The following VGLL4 variants were observed in gnomAD, a reference collection of about 807,000 sequenced individuals.
The protein encoded by VGLL4 is transcription cofactor vestigial-like protein 4.
A neutral mutation model predicts 21.0 loss-of-function variants in VGLL4; 7 were observed. The observed-to-expected ratio is 0.33, with a 90% confidence interval of 0.19 to 0.63. The LOEUF is 0.63. VGLL4 is among the 20% of genes least tolerant of loss of function. The pLI is 0.78. For synonymous variants in VGLL4, 222 were observed against 173.2 expected, an observed-to-expected ratio of 1.28 and a Z score of -2.21; for missense variants, 394 against 425.7, an observed-to-expected ratio of 0.93 and a Z score of 0.66.
At chr3:11,720,818 G>A (rs2124846912), upstream of VGLL4, 3 of 152,324 alleles carry the variant, frequency 2.0e-5, no homozygotes, top group Admixed American at 2.0e-4. Context: ...ACAGCAGCAG[G>A]GCAGACATGT....
chr3:11,681,361 T>G (rs1191362731), intron 2 of VGLL4, among the ~76,000 whole-genome samples: 1 of 152,230 alleles, frequency 6.6e-6, no homozygotes, highest in Non-Finnish European at 1.5e-5. Flanking sequence ...CCTCCCAAAG[T>G]GCTGGGATTA....
rs1575339739 is a variant in VGLL4, at chr3:11,558,894, C to T, written c.620-67G>A. ...TGCAGACAGACAGGCACGGTTGCAG[C>T]ACCCTCCCTCAGGCAGCCCAGAGCC... is the stretch of plus-strand genomic sequence containing the variant. On this transcript the variant is annotated intron_variant, in intron 4 of 4. Transcript: ENST00000430365. The T allele has an allele frequency of 1.9e-6, 3 of 1,559,140 alleles. No homozygotes were observed. The South Asian group carries it at 3.5e-5, about 18-fold the overall frequency.
intron 2 of VGLL4, among the ~76,000 whole-genome samples, chr3:11,573,381 AAGAAAGAAAG>A (rs2073932192): frequency 2.0e-5 from 3 of 148,084 alleles, no homozygotes; most frequent in Non-Finnish European, 3.0e-5. Flanking sequence ...GAAAGAAAGA[AAGAAAGAAAG>A]AAAGAAAATG....
At chr3:11,601,650 C>T (rs935176185) in intron 2 of VGLL4, among the ~76,000 whole-genome samples, 183 bp downstream of exon 2, 1 of 152,172 alleles carries the variant, frequency 6.6e-6, no homozygotes, top group African/African-American at 2.4e-5. Flanking sequence ...CACCTCACCG[C>T]GAGTTATCAA....
intron 2 of VGLL4, among the ~76,000 whole-genome samples, chr3:11,652,568 G>A (rs145065604): frequency 5.4e-4 from 82 of 152,168 alleles, no homozygotes; most frequent in South Asian, 4.6e-3. Flanking sequence ...TAACAGGCAC[G>A]TGCCACCACG....
chr3:11,708,081 C>G (rs1421309958), intron 1 of VGLL4, among the ~76,000 whole-genome samples: 2 of 152,174 alleles, frequency 1.3e-5, no homozygotes, highest in African/African-American at 4.8e-5. Flanking sequence ...CACTTCCAAT[C>G]TATGTAACCC....
chr3:11,600,731 G>A lies in VGLL4; in HGVS notation c.272+1102C>T, dbSNP rs948442018. 4.6e-5 allele frequency among the ~76,000 whole-genome samples: 7 copies of A among 152,162 alleles called. No individual in the cohort carries two copies. The South Asian group carries it at 6.2e-4, about 14-fold the overall frequency. Reference sequence around the variant, plus strand: ...GGCGGGAGCTGGGCCACCTCTCTGCGGAAACTCTGCCTCCAAGGAGGAGCC... The same window carrying A: ...GGCGGGAGCTGGGCCACCTCTCTGCAGAAACTCTGCCTCCAAGGAGGAGCC... On this transcript the variant is annotated intron_variant, in intron 2 of 4. Transcript: ENST00000430365.
intron 2 of VGLL4, among the ~76,000 whole-genome samples, chr3:11,698,073 T>A (rs943063965): frequency 6.6e-6 from 1 of 152,240 alleles, no homozygotes; most frequent in African/African-American, 2.4e-5. Flanking sequence ...TTAGAAGATA[T>A]GGTTACCAAA....
At chr3:11,718,758 G>C (rs2076951791) in intron 1 of VGLL4, among the ~76,000 whole-genome samples, 1 of 152,108 alleles carries the variant, frequency 6.6e-6, no homozygotes, top group Admixed American at 6.6e-5. Context: ...ATAAAACCCA[G>C]CAGAACCGCC....
intron 2 of VGLL4, among the ~76,000 whole-genome samples, chr3:11,692,624 AGCTGCC>A (rs964949854): frequency 6.6e-6 from 1 of 152,068 alleles, no homozygotes; most frequent in African/African-American, 2.4e-5. Context: ...GACTGTCCAC[AGCTGCC>A]GACACTCACC....
chr3:11,638,502 C>G (rs2075629876), intron 1 of VGLL4, among the ~76,000 whole-genome samples: 1 of 152,112 alleles, frequency 6.6e-6, no homozygotes. Context: ...TTTTACTAAC[C>G]AAGCTCCTCC....
intron 2 of VGLL4, among the ~76,000 whole-genome samples, chr3:11,692,076 CTT>C (rs1230888617): frequency 6.6e-6 from 1 of 151,256 alleles, no homozygotes. Context: ...ATCCACAACA[CTT>C]TTATGTGTAT....
intron 1 of VGLL4, among the ~76,000 whole-genome samples, chr3:11,617,073 T>A (rs903451554): frequency 2.6e-5 from 4 of 152,080 alleles, no homozygotes; most frequent in Non-Finnish European, 5.9e-5. Context: ...TAAAAAGAGA[T>A]GCACTTTTTA....
At chr3:11,605,641 A>G (rs928758088) in intron 1 of VGLL4, among the ~76,000 whole-genome samples, 1 of 152,030 alleles carries the variant, frequency 6.6e-6, no homozygotes, top group Non-Finnish European at 1.5e-5. Context: ...TCCTCTGAAC[A>G]TCTATAGAAA....
Position 11,643,803 on chromosome 3 carries a change from C to T in VGLL4, c.-285G>A. ...TTTCAGAAGTCCTTACAAGTCCTTC[C>T]TGGAAATGGAAAAGAGTGAAAAAGA... On this transcript the variant is annotated 5_prime_UTR_variant, in exon 1 of 5. Coordinates refer to ENST00000430365, the MANE Select transcript of VGLL4 (RefSeq NM_001128219.3). 9.8e-6 allele frequency: 11 copies of T among 1,128,034 alleles called. No individual in the cohort carries two copies. Among genetic ancestry groups the T allele is most frequent in the Non-Finnish European group, 1.2e-5 (11 of 920,712 alleles). The allele number at this position is 1,128,034 out of a possible 1,614,324, so 69.9% of individuals were successfully genotyped here. A position where few individuals can be genotyped will look rare whatever the true frequency, so the allele number is the denominator to read the frequency against.
At chr3:11,625,352 G>A (rs761520138) in intron 1 of VGLL4, among the ~76,000 whole-genome samples, 10 of 152,172 alleles carry the variant, frequency 6.6e-5, no homozygotes, top group Non-Finnish European at 8.8e-5. Flanking sequence ...TCTAGAAGAC[G>A]TAGTTTATAA....
exon 2 of VGLL4, chr3:11,703,041 T>C: frequency 8.7e-6 from 14 of 1,607,972 alleles, no homozygotes; most frequent in South Asian, 1.1e-5. Flanking sequence ...CCATTCCTGG[T>C]TGGAGCCTAA....
chr3:11,655,622 C>A (rs1299645649), intron 2 of VGLL4, among the ~76,000 whole-genome samples: 2 of 152,184 alleles, frequency 1.3e-5, no homozygotes, highest in Non-Finnish European at 2.9e-5. Flanking sequence ...CAGAAATGGA[C>A]AAGGCAGGAT....
chr3:11,585,556 T>C (rs530107213), intron 2 of VGLL4, among the ~76,000 whole-genome samples: 1 of 152,136 alleles, frequency 6.6e-6, no homozygotes, highest in African/African-American at 2.4e-5. Context: ...TGTTTCAGAT[T>C]TGTAGGTTTA....
Sources: allele counts gnomAD v4.1 joint callset (sites outside exome capture counted in the v4.1 genomes callset), GRCh38; gene constraint gnomAD v4.1.1; transcripts MANE v1.5; gene names NCBI Gene and HGNC (gene_info 2026-07-23, HGNC 2026-07-21).